Variants in WDR49 observed in about 807,000 individuals in gnomAD.
WDR49 encodes WD repeat domain 49, also known as cilia- and flagella-associated protein 337.
In WDR49, 107 loss-of-function variants were observed where a neutral mutation model predicts 119.5. The ratio of observed to expected loss-of-function variants is 0.90; its 90% CI spans 0.77 to 1.05. The LOEUF is 1.05. Among genes scored for constraint, WDR49 ranks in the 50% least tolerant of loss-of-function variants. The probability of loss-of-function intolerance (pLI) is 0.00; values close to 1 mark genes in which losing one functional copy is unlikely to be tolerated. For synonymous variants in WDR49, 425 were observed against 418.8 expected, an observed-to-expected ratio of 1.01 and a Z score of -0.18; for missense variants, 1,240 against 1,220.5, an observed-to-expected ratio of 1.02 and a Z score of -0.24.
intron 3 of WDR49, among the ~76,000 whole-genome samples, chr3:167,623,283 T>C (rs1577284751): frequency 6.6e-6 from 1 of 152,028 alleles, no homozygotes; most frequent in East Asian, 1.9e-4. Context: ...GTAAAATGTA[T>C]ACTGAACTAA....
chr3:167,529,268 A>C, intron 13 of WDR49, 29 bp from the exon 14 acceptor site: 1 of 1,516,024 alleles, frequency 6.6e-7, no homozygotes. Flanking sequence ...ATCTAACTAG[A>C]AAACTGAACA....
intron 7 of WDR49, among the ~76,000 whole-genome samples, chr3:167,594,563 G>T (rs1241711193): frequency 6.6e-6 from 1 of 152,182 alleles, no homozygotes; most frequent in Non-Finnish European, 1.5e-5. Context: ...ATAGTCTGAA[G>T]TTGGAAATTA....
chr3:167,560,988 G>A (rs1160690693), intron 8 of WDR49, among the ~76,000 whole-genome samples: 1 of 146,566 alleles, frequency 6.8e-6, no homozygotes, highest in African/African-American at 2.6e-5. Flanking sequence ...ATATGACTTT[G>A]GAAACCAAAA....
rs1341848439 is a variant in WDR49 at position 167,507,541 on chromosome 3, G to A, written c.2775-2125C>T. Among the ~76,000 whole-genome samples, 9 of 152,294 alleles carry A rather than the reference G, an allele frequency of 5.9e-5. No homozygotes were observed. In the East Asian group the frequency reaches 9.6e-4, roughly 16 times the overall value. On this transcript the variant is annotated intron_variant, in intron 16 of 18. Coordinates refer to ENST00000682715, the MANE Select transcript of WDR49 (RefSeq NM_001366157.1). ...AGAAAAGAATTATTCATGTAAACAT[G>A]TGCAAAAGATTGAGGGGGCAGGGGC...
At chr3:167,484,185 C>A (rs1750832546) in intron 18 of WDR49, among the ~76,000 whole-genome samples, 1 of 152,010 alleles carries the variant, frequency 6.6e-6, no homozygotes, top group Non-Finnish European at 1.5e-5. Context: ...AGGGATTTTG[C>A]AAATGTAGTT....
chr3:167,515,585 A>T (rs973376083), intron 16 of WDR49, among the ~76,000 whole-genome samples: 3 of 152,158 alleles, frequency 2.0e-5, no homozygotes, highest in African/African-American at 7.2e-5. Flanking sequence ...CACAAGACAA[A>T]GATGCCCTTT....
intron 7 of WDR49, among the ~76,000 whole-genome samples, chr3:167,577,207 T>A (rs772000044): frequency 6.6e-6 from 1 of 152,108 alleles, no homozygotes; most frequent in Non-Finnish European, 1.5e-5. Flanking sequence ...TCCCTTCATT[T>A]CAAAGAGGGT....
At chr3:167,577,612 T>A (rs1025286471) in intron 7 of WDR49, among the ~76,000 whole-genome samples, 1 of 152,200 alleles carries the variant, frequency 6.6e-6, no homozygotes, top group African/African-American at 2.4e-5. Flanking sequence ...GCACTTAACA[T>A]GATGACCAGC....
intron 2 of WDR49, chr3:167,633,424 T>C (rs1025891749): frequency 1.1e-5 from 5 of 455,928 alleles, no homozygotes; most frequent in Non-Finnish European, 2.2e-5. Flanking sequence ...CCCAGAACCA[T>C]GGCTCTTTCA....
intron 6 of WDR49, among the ~76,000 whole-genome samples, chr3:167,603,606 C>A (rs914952581): frequency 6.6e-6 from 1 of 151,956 alleles, no homozygotes; most frequent in African/African-American, 2.4e-5. Context: ...TCTGTAACTA[C>A]CCTATTAATT....
chr3:167,647,677 T>C (rs1414450515), intron 2 of WDR49, among the ~76,000 whole-genome samples: 1 of 152,168 alleles, frequency 6.6e-6, no homozygotes, highest in Non-Finnish European at 1.5e-5. Flanking sequence ...TGAGAAATGG[T>C]ATGACCTGCT....
chr3:167,505,171 A>T, intron 17 of WDR49, 136 bp downstream of exon 17: 1 of 1,166,180 alleles, frequency 8.6e-7, no homozygotes, highest in Non-Finnish European at 1.1e-6. Context: ...CTCCTTTGTT[A>T]AATGGGGTTC....
chr3:167,581,707 A>G (rs1187743688), intron 7 of WDR49, among the ~76,000 whole-genome samples: 3 of 152,234 alleles, frequency 2.0e-5, no homozygotes, highest in African/African-American at 7.2e-5. Context: ...TGTTACATTT[A>G]TAAGTAGATA....
At chr3:167,600,541 G>A (rs1053312647) in intron 7 of WDR49, among the ~76,000 whole-genome samples, 6 of 152,032 alleles carry the variant, frequency 3.9e-5, no homozygotes, top group African/African-American at 1.4e-4. Flanking sequence ...TGTTCCTATT[G>A]GGGGAGACCA....
At chr3:167,588,700 G>C (rs1009792685) in intron 7 of WDR49, among the ~76,000 whole-genome samples, 1 of 151,832 alleles carries the variant, frequency 6.6e-6, no homozygotes, top group Non-Finnish European at 1.5e-5. Flanking sequence ...AAATAATATC[G>C]AGCACCTTTT....
intron 8 of WDR49, among the ~76,000 whole-genome samples, chr3:167,569,960 A>T (rs1284671174): frequency 6.6e-6 from 1 of 152,170 alleles, no homozygotes; most frequent in Non-Finnish European, 1.5e-5. Flanking sequence ...CACATTAAAT[A>T]AATGTGTATC....
intron 17 of WDR49, among the ~76,000 whole-genome samples, chr3:167,504,656 T>A (rs1180966939): frequency 1.3e-5 from 2 of 152,120 alleles, no homozygotes; most frequent in Admixed American, 6.5e-5. Flanking sequence ...TTGGGAGGAA[T>A]GGTTTTATTT....
At chr3:167,639,420 G>A (rs946421085) in intron 2 of WDR49, among the ~76,000 whole-genome samples, 8 of 151,592 alleles carry the variant, frequency 5.3e-5, no homozygotes, top group African/African-American at 1.7e-4. Flanking sequence ...GCAGAAATAG[G>A]CCTAGAACCA....
rs570761110 is a variant in WDR49 at position 167,565,853 on chromosome 3, C to G, written c.1510-5625G>C. Among the ~76,000 whole-genome samples the G allele has an allele frequency of 2.0e-5, 3 of 152,132 alleles. No homozygotes were observed. The South Asian group carries it at 6.2e-4, about 32-fold the overall frequency. ...AAATTTCAAAAGTAGAAAAAAAAAA[C>G]TTTCCTCTTTTTCACTAATATTAAT... is the stretch of plus-strand genomic sequence containing the variant. On this transcript the variant is annotated intron_variant, in intron 8 of 18. Coordinates refer to ENST00000682715, the MANE Select transcript of WDR49 (RefSeq NM_001366157.1).
Sources: allele counts gnomAD v4.1 joint callset (sites outside exome capture counted in the v4.1 genomes callset), GRCh38; gene constraint gnomAD v4.1.1; transcripts MANE v1.5; gene names NCBI Gene and HGNC (gene_info 2026-07-23, HGNC 2026-07-21).